Variants in RBFOX1 observed in about 807,000 individuals in gnomAD.
The protein encoded by RBFOX1 is RNA binding protein fox-1 homolog 1.
RBFOX1 carries 8 observed loss-of-function variants against 57.7 expected under a neutral mutation model. The ratio of observed to expected loss-of-function variants is 0.14; its 90% CI spans 0.08 to 0.25. RBFOX1 has a LOEUF of 0.25. Ranked by LOEUF, RBFOX1 falls within the 10% of genes least tolerant of loss-of-function variation. RBFOX1 has a pLI of 1.00. For synonymous variants in RBFOX1, 326 were observed against 222.4 expected (o/e 1.47, Z -4.15); for missense variants, 611 against 548.5 (o/e 1.11, Z -1.14).
chr16:6,981,961 C>G (rs912836954), intron 3 of RBFOX1, among the ~76,000 whole-genome samples: 1 of 152,160 alleles, frequency 6.6e-6, no homozygotes, highest in African/African-American at 2.4e-5. Context: ...TTTTTATTGG[C>G]ACATGAAAAT....
chr16:6,341,167 C>T (rs1377124230), intron 2 of RBFOX1, among the ~76,000 whole-genome samples: 1 of 152,176 alleles, frequency 6.6e-6, no homozygotes, highest in East Asian at 1.9e-4. Flanking sequence ...GAGCTAAAAT[C>T]AAGGTGTCAA....
At chr16:6,907,095 A>T (rs916794459) in intron 3 of RBFOX1, among the ~76,000 whole-genome samples, 1 of 152,218 alleles carries the variant, frequency 6.6e-6, no homozygotes, top group Non-Finnish European at 1.5e-5. Flanking sequence ...AGGATTCTCA[A>T]CCAGAGTGAT....
chr16:7,401,036 T>C (rs2098233662), intron 4 of RBFOX1, among the ~76,000 whole-genome samples: 1 of 152,216 alleles, frequency 6.6e-6, no homozygotes, highest in Non-Finnish European at 1.5e-5. Flanking sequence ...TATTGCCCGA[T>C]GCAGCTGATT....
chr16:5,847,201 G>A (rs1264782181), intron 3 of RBFOX1, among the ~76,000 whole-genome samples: 1 of 152,178 alleles, frequency 6.6e-6, no homozygotes, highest in African/African-American at 2.4e-5. Context: ...CTCTCAGGTA[G>A]GAAACACATG....
intron 3 of RBFOX1, among the ~76,000 whole-genome samples, chr16:6,743,523 C>T (rs1244926491): frequency 6.6e-6 from 1 of 152,094 alleles, no homozygotes; most frequent in Non-Finnish European, 1.5e-5. Flanking sequence ...AGGAGGATGC[C>T]TTGAGCCCAG....
intron 3 of RBFOX1, among the ~76,000 whole-genome samples, chr16:5,737,143 G>T (rs575749672): frequency 6.6e-6 from 1 of 152,170 alleles, no homozygotes; most frequent in African/African-American, 2.4e-5. Flanking sequence ...GATGCTTCAT[G>T]TCAGCAATCA....
At chr16:5,511,792 A>T (rs2043602282) in intron 2 of RBFOX1, among the ~76,000 whole-genome samples, 1 of 152,224 alleles carries the variant, frequency 6.6e-6, no homozygotes. Context: ...GGTGAATGTA[A>T]CTATGTCCCC....
chr16:6,659,898 C>T (rs139569450), intron 3 of RBFOX1, among the ~76,000 whole-genome samples: 1 of 152,248 alleles, frequency 6.6e-6, no homozygotes, highest in Non-Finnish European at 1.5e-5. Context: ...TTGGCAATTT[C>T]AGCAGAGTAG....
At chr16:6,601,669 A>G (rs1390286575) in intron 2 of RBFOX1, among the ~76,000 whole-genome samples, 6 of 152,158 alleles carry the variant, frequency 3.9e-5, no homozygotes, top group Non-Finnish European at 8.8e-5. Context: ...ATTAAAAAGA[A>G]CGTATAAGAG....
chr16:6,035,396 G>C (rs529467196), intron 1 of RBFOX1, among the ~76,000 whole-genome samples: 1 of 152,314 alleles, frequency 6.6e-6, no homozygotes, highest in Non-Finnish European at 1.5e-5. Context: ...GAAGAAACAA[G>C]ACGGTATTAC....
At chr16:6,304,073 G>T (rs1180296274) in intron 1 of RBFOX1, among the ~76,000 whole-genome samples, 3 of 151,634 alleles carry the variant, frequency 2.0e-5, no homozygotes, top group Non-Finnish European at 4.4e-5. Context: ...GCCTCCCAAA[G>T]TGCTGGGATT....
chr16:6,633,726 T>C (rs1029736089), intron 2 of RBFOX1, among the ~76,000 whole-genome samples: 2 of 152,190 alleles, frequency 1.3e-5, no homozygotes, highest in African/African-American at 2.4e-5. Flanking sequence ...ATCGAGGCTC[T>C]AGCCAGGCGC....
At chr16:6,397,634 T>C (rs1282410048) in intron 2 of RBFOX1, among the ~76,000 whole-genome samples, 1 of 152,222 alleles carries the variant, frequency 6.6e-6, no homozygotes, top group Non-Finnish European at 1.5e-5. Context: ...ATGTGGATAA[T>C]ATAAAAGGTT....
intron 2 of RBFOX1, among the ~76,000 whole-genome samples, chr16:6,551,996 A>G (rs994462706): frequency 3.3e-5 from 5 of 152,216 alleles, no homozygotes; most frequent in African/African-American, 1.2e-4. Context: ...TTACCAGTCA[A>G]TTCAGAACAT....
intron 4 of RBFOX1, among the ~76,000 whole-genome samples, chr16:5,927,691 C>T (rs1567157113): frequency 6.6e-6 from 1 of 152,198 alleles, no homozygotes; most frequent in Admixed American, 6.5e-5. Context: ...AATGTGGAAT[C>T]AGTGTAAGTG....
intron 3 of RBFOX1, among the ~76,000 whole-genome samples, chr16:5,843,611 A>T (rs1481671043): frequency 6.6e-6 from 1 of 152,190 alleles, no homozygotes; most frequent in Non-Finnish European, 1.5e-5. Context: ...TCACTGCAGC[A>T]CTATTCACAA....
intron 1 of RBFOX1, among the ~76,000 whole-genome samples, chr16:5,382,192 G>A (rs765430980): frequency 2.0e-5 from 3 of 152,200 alleles, no homozygotes; most frequent in Non-Finnish European, 4.4e-5. Context: ...AGAGTTAACT[G>A]AGGCTTCATC....
intron 3 of RBFOX1, among the ~76,000 whole-genome samples, chr16:5,785,229 T>G (rs926142070): frequency 2.6e-5 from 4 of 152,200 alleles, no homozygotes; most frequent in African/African-American, 4.8e-5. Context: ...AGGCACTACC[T>G]CAGTGGGATT....
intron 1 of RBFOX1, among the ~76,000 whole-genome samples, chr16:6,252,944 A>T (rs919647798): frequency 6.6e-6 from 1 of 152,176 alleles, no homozygotes; most frequent in Non-Finnish European, 1.5e-5. Flanking sequence ...TGTGACAGGT[A>T]ATATGCTAGA....
Sources: gnomAD v4.1 joint callset for allele counts (sites outside exome capture counted in the v4.1 genomes callset) on GRCh38, gnomAD v4.1.1 for gene constraint, MANE v1.5 for transcripts, NCBI Gene and HGNC (gene_info 2026-07-23, HGNC 2026-07-21) for gene names.